Variants in TMEM117 observed in about 807,000 individuals in gnomAD.
The protein encoded by TMEM117 is transmembrane protein 117.
A neutral mutation model predicts 52.4 loss-of-function variants in TMEM117; 27 were observed. The ratio of observed to expected loss-of-function variants is 0.51; its 90% confidence interval spans 0.38 to 0.71. The LOEUF (loss-of-function observed/expected upper bound fraction) is 0.71. TMEM117 is among the 30% of genes least tolerant of loss of function. The probability of loss-of-function intolerance (pLI) is 0.00; values close to 1 mark genes in which losing one functional copy is unlikely to be tolerated. For synonymous variants in TMEM117, 215 were observed against 206.3 expected (o/e 1.04, Z -0.36); for missense variants, 556 against 630.5 (o/e 0.88, Z 1.26).
chr12:44,333,585 T>C (rs1951301610), intron 6 of TMEM117, among the ~76,000 whole-genome samples: 1 of 152,004 alleles, frequency 6.6e-6, no homozygotes, highest in Non-Finnish European at 1.5e-5. Context: ...TTGGCACTTC[T>C]CCTTCCTGCC....
chr12:43,834,177 A>C (rs193055542), upstream of TMEM117, among the ~76,000 whole-genome samples: 1 of 152,358 alleles, frequency 6.6e-6, no homozygotes, highest in Admixed American at 6.5e-5. Context: ...TTTCAGTTTT[A>C]ACTGACTGAA....
intron 3 of TMEM117, among the ~76,000 whole-genome samples, chr12:43,980,117 T>A (rs1945737019): frequency 6.6e-6 from 1 of 152,152 alleles, no homozygotes; most frequent in African/African-American, 2.4e-5. Flanking sequence ...ATCCCTTGTC[T>A]TTTTTCCAAT....
chr12:44,025,893 A>T (rs554708814), intron 3 of TMEM117, among the ~76,000 whole-genome samples: 1 of 150,898 alleles, frequency 6.6e-6, no homozygotes, highest in African/African-American at 2.5e-5. Flanking sequence ...TCAAAGAATT[A>T]CCTATCCGCC....
chr12:44,210,536 A>G (rs2138395925), intron 4 of TMEM117, among the ~76,000 whole-genome samples: 1 of 152,158 alleles, frequency 6.6e-6, no homozygotes, highest in East Asian at 1.9e-4. Flanking sequence ...TTCTTAGAAG[A>G]GGTAGAAAGA....
At chr12:44,175,082 G>A (rs1163736873) in intron 4 of TMEM117, among the ~76,000 whole-genome samples, 2 of 152,196 alleles carry the variant, frequency 1.3e-5, no homozygotes, top group Non-Finnish European at 2.9e-5. Flanking sequence ...TTAAAGTATG[G>A]TAAATATTTT....
intron 3 of TMEM117, among the ~76,000 whole-genome samples, chr12:44,117,874 A>G (rs1948171713): frequency 6.6e-6 from 1 of 151,982 alleles, no homozygotes; most frequent in East Asian, 1.9e-4. Context: ...TCCTTTCTGT[A>G]TCTTTGTGTT....
intron 5 of TMEM117, among the ~76,000 whole-genome samples, chr12:44,222,970 T>G (rs1206247757): frequency 1.5e-5 from 2 of 137,680 alleles, no homozygotes; most frequent in Non-Finnish European, 3.0e-5. Flanking sequence ...TAATAGTAAG[T>G]GTGAACCCTG....
intron 4 of TMEM117, among the ~76,000 whole-genome samples, chr12:44,191,513 A>G (rs552805043): frequency 6.6e-6 from 1 of 152,304 alleles, no homozygotes; most frequent in South Asian, 2.1e-4. Context: ...TAAGTTTTGA[A>G]TAAGACATGG....
intron 7 of TMEM117, among the ~76,000 whole-genome samples, chr12:44,378,707 G>A (rs372674141): frequency 7.2e-5 from 11 of 152,182 alleles, no homozygotes; most frequent in Non-Finnish European, 1.2e-4. Context: ...TGCAGTGTTT[G>A]CCATATGATG....
chr12:44,171,040 G>A (rs1363256035), intron 4 of TMEM117, among the ~76,000 whole-genome samples: 1 of 146,114 alleles, frequency 6.8e-6, no homozygotes, highest in African/African-American at 2.5e-5. Flanking sequence ...TTTTGAGACG[G>A]AGTCTCGCTC....
chr12:43,930,857 G>A (rs1944860170), intron 2 of TMEM117, among the ~76,000 whole-genome samples: 2 of 152,104 alleles, frequency 1.3e-5, no homozygotes, highest in Admixed American at 6.5e-5. Context: ...GAGTTTTTTG[G>A]CCTCATTGCA....
At chr12:44,391,347 G>A (rs75061376), downstream of TMEM117, among the ~76,000 whole-genome samples, 1 of 152,144 alleles carries the variant, frequency 6.6e-6, no homozygotes, top group Non-Finnish European at 1.5e-5. Flanking sequence ...TCTCCCCATG[G>A]TAGCTACTTA....
At chr12:44,305,398 A>G (rs963606492) in intron 6 of TMEM117, among the ~76,000 whole-genome samples, 1 of 152,208 alleles carries the variant, frequency 6.6e-6, no homozygotes, top group Non-Finnish European at 1.5e-5. Context: ...TCTGCAAACT[A>G]TACATCCAAC....
chr12:43,942,062 A>G (rs1192018728), intron 2 of TMEM117, among the ~76,000 whole-genome samples: 4 of 152,226 alleles, frequency 2.6e-5, no homozygotes, highest in Admixed American at 2.0e-4. Flanking sequence ...TTCATTATCA[A>G]CTGCTGAATT....
chr12:44,164,336 G>T (rs192447217), intron 4 of TMEM117, among the ~76,000 whole-genome samples: 4 of 152,200 alleles, frequency 2.6e-5, no homozygotes, highest in Non-Finnish European at 5.9e-5. Context: ...TACCCAATAT[G>T]TAGTCTTTTA....
chr12:43,844,983 C>G (rs564506421), intron 2 of TMEM117, 55 bp downstream of exon 2: 18 of 1,546,966 alleles, frequency 1.2e-5, no homozygotes, highest in Non-Finnish European at 1.6e-5. Flanking sequence ...TTTCTATTCT[C>G]CAAGATACAA....
intron 2 of TMEM117, among the ~76,000 whole-genome samples, chr12:43,922,367 A>G (rs1181515171): frequency 1.3e-5 from 2 of 152,210 alleles, no homozygotes; most frequent in East Asian, 3.9e-4. Context: ...CTGGTGACTT[A>G]GTGAAAGAAA....
chr12:43,981,454 T>C (rs1258766851), intron 3 of TMEM117, among the ~76,000 whole-genome samples: 1 of 152,212 alleles, frequency 6.6e-6, no homozygotes, highest in Non-Finnish European at 1.5e-5. Flanking sequence ...GGGCTTAATA[T>C]AAGCAATAAC....
At chr12:44,048,340 T>C (rs969958648) in intron 3 of TMEM117, among the ~76,000 whole-genome samples, 1 of 152,200 alleles carries the variant, frequency 6.6e-6, no homozygotes, top group Non-Finnish European at 1.5e-5. Flanking sequence ...GTTTGTTTTC[T>C]ATTTCTTTGA....
Sources: gnomAD v4.1 joint callset for allele counts (sites outside exome capture counted in the v4.1 genomes callset) on GRCh38, gnomAD v4.1.1 for gene constraint, MANE v1.5 for transcripts, NCBI Gene and HGNC (gene_info 2026-07-23, HGNC 2026-07-21) for gene names.